FEM1C: variants seen among roughly 807,000 people sequenced by gnomAD.
The protein encoded by FEM1C is protein fem-1 homolog C.
FEM1C carries 15 observed loss-of-function variants against 37.6 expected under a neutral mutation model. That is an observed-to-expected ratio of 0.40 (90% CI 0.27 to 0.61). The LOEUF (loss-of-function observed/expected upper bound fraction) is 0.61, where lower values mean the gene tolerates loss of function less well. FEM1C is among the 20% of genes least tolerant of loss of function. The pLI is 0.42. For missense variants in FEM1C, 532 were observed against 749.7 expected (o/e 0.71, Z 3.39); for synonymous variants, 287 against 272.8 (o/e 1.05, Z -0.51).
intron 2 of FEM1C, 73 bp downstream of exon 2, chr5:115,542,877 T>C (rs1169474391): frequency 1.3e-6 from 2 of 1,535,458 alleles, no homozygotes; most frequent in South Asian, 1.3e-5. Context: ...TCAACACCAG[T>C]GCTTATAATG....
intron 2 of FEM1C, 25 bp from the exon 3 acceptor site, chr5:115,525,642 A>C (rs751800876): frequency 1.3e-6 from 2 of 1,573,448 alleles, no homozygotes; most frequent in Non-Finnish European, 1.7e-6. Flanking sequence ...GAAAAAAAGA[A>C]ATAACATACA....
At chr5:115,531,682 C>T (rs1241839856) in intron 2 of FEM1C, among the ~76,000 whole-genome samples, 1 of 152,114 alleles carries the variant, frequency 6.6e-6, no homozygotes, top group Non-Finnish European at 1.5e-5. Context: ...ATGGATATGG[C>T]TGTTTCCCAA....
At chr5:115,528,737 A>T (rs1460522571) in intron 2 of FEM1C, among the ~76,000 whole-genome samples, 1 of 152,144 alleles carries the variant, frequency 6.6e-6, no homozygotes, top group Non-Finnish European at 1.5e-5. Context: ...ACCATAACAC[A>T]AAAAACAATG....
Position 115,523,645 on chromosome 5 carries a change from T to C in FEM1C, c.*663A>G, listed in dbSNP as rs1006516088. The C allele has an allele frequency of 6.6e-6, 1 of 152,502 alleles. No homozygotes were observed. The highest frequency in any genetic ancestry group is 2.1e-4 in the South Asian group (1 of 4,836). The allele number at this position is 152,502 out of a possible 1,614,324, so 9.4% of individuals were successfully genotyped here. A position where few individuals can be genotyped will look rare whatever the true frequency, so the allele number is the denominator to read the frequency against. On this transcript the variant is annotated 3_prime_UTR_variant, in exon 3 of 3. Transcript: ENST00000274457. ...AATAGCTAACCTGCAGCTCTAAAAA[T>C]TGTCATGCTACAGAGTACTTTCAAA...
In FEM1C at chr5:115,522,888, T is replaced by A. The variant is rs1357503006; in HGVS notation, c.*1420A>T. On this transcript the variant is annotated 3_prime_UTR_variant, in exon 3 of 3. Coordinates refer to ENST00000274457, the MANE Select transcript of FEM1C (RefSeq NM_020177.3). ...AATCTTTTTTAGTACTTTTCACTTA[T>A]CTTAAGTTAAAAGAGCCCTTTCTGT... 1.3e-5 allele frequency: 2 copies of A among 152,298 alleles called. No homozygotes were observed. Among genetic ancestry groups the A allele is most frequent in the African/African-American group, 2.4e-5 (1 of 41,390 alleles). 9.4% of individuals were successfully genotyped at this position (152,298 alleles called of 1,614,324 possible). A position where few individuals can be genotyped will look rare whatever the true frequency, so the allele number is the denominator to read the frequency against.
At chr5:115,530,318 TA>T (rs918761409) in intron 2 of FEM1C, among the ~76,000 whole-genome samples, 1 of 152,062 alleles carries the variant, frequency 6.6e-6, no homozygotes, top group Non-Finnish European at 1.5e-5. Context: ...TTTATAATGT[TA>T]AAAAATTCAA....
At chr5:115,530,367 T>C (rs1753988816) in intron 2 of FEM1C, among the ~76,000 whole-genome samples, 1 of 152,124 alleles carries the variant, frequency 6.6e-6, no homozygotes, top group Admixed American at 6.6e-5. Flanking sequence ...TGTTTTCACC[T>C]AATAACATAG....
chr5:115,526,893 T>A (rs754039244), intron 2 of FEM1C, among the ~76,000 whole-genome samples: 2 of 152,108 alleles, frequency 1.3e-5, no homozygotes, highest in Non-Finnish European at 2.9e-5. Flanking sequence ...GAATGTCTGG[T>A]TTCCTTCTGG....
At position 115,522,691 on chromosome 5, in the gene FEM1C, C is replaced by A. The variant is rs1580375272; in HGVS notation, c.*1617G>T. ...CAACCCTCAGAATAAAATGTCAACA[C>A]AAAAATCCAAGTGAGTGATCCAGCT... On this transcript the variant is annotated 3_prime_UTR_variant, in exon 3 of 3. Transcript: ENST00000274457. 1 of 152,402 alleles carries A rather than the reference C, an allele frequency of 6.6e-6. No individual in the cohort carries two copies. Among genetic ancestry groups the A allele is most frequent in the East Asian group, 1.9e-4 (1 of 5,178 alleles). The allele number at this position is 152,402 out of a possible 1,614,324, so 9.4% of individuals were successfully genotyped here. A position where few individuals can be genotyped will look rare whatever the true frequency, so the allele number is the denominator to read the frequency against.
intron 1 of FEM1C, chr5:115,544,070 G>A (rs1754302069): frequency 1.0e-6 from 1 of 985,298 alleles, no homozygotes; most frequent in South Asian, 4.7e-5. Context: ...CAGGAGAGCT[G>A]GCCAAGGGCG....
At position 115,524,891 on chromosome 5, in the gene FEM1C, C is replaced by T. The variant is rs376838268; in HGVS notation, c.1271G>A (p.Arg424Gln). The change falls in exon 3 of 3, where the codon CGA (arginine) becomes CAA (glutamine). Residue 424 changes from arginine (R) to glutamine (Q), a missense_variant. This residue lies in a region of FEM1C where 237 missense variants were observed against 260.5 expected (regional missense o/e 0.91). Transcript: ENST00000274457. ...TGGACACTGAGTTTGTTTGATAGCT[C>T]GCTCTATTTCAAGGACGCTTTTGCA... ...ILCKSVLEIE[R>Q]AIKQTQCPAD... is the part of the protein sequence containing the mutation. 6 of 1,613,640 alleles carry T rather than the reference C, an allele frequency of 3.7e-6. No individual in the cohort carries two copies. Among genetic ancestry groups the T allele is most frequent in the African/African-American group, 1.3e-5 (1 of 74,906 alleles).
At chr5:115,540,280 T>C (rs932837864) in intron 2 of FEM1C, among the ~76,000 whole-genome samples, 12 of 152,042 alleles carry the variant, frequency 7.9e-5, no homozygotes, top group African/African-American at 2.7e-4. Context: ...AGGATGAACA[T>C]GTACTTTAAT....
Position 115,543,149 on chromosome 5 carries a change from G to C in FEM1C, c.345C>G (p.Thr115=). Reference sequence around the variant, plus strand: ...ACGCAGCTCGAAGAGGAGTTGAATTGGTTAAAGTCGTGTTGTTGACAGATG... The same window carrying C: ...ACGCAGCTCGAAGAGGAGTTGAATTCGTTAAAGTCGTGTTGTTGACAGATG... ...HGASVNNTTL[T]NSTPLRAACF... is the part of the protein sequence containing the mutation. Residue 115 remains threonine (T), a synonymous_variant, in exon 2 of 3, where the codon ACC becomes ACG. Transcript: ENST00000274457. 2 of 1,614,194 alleles carry C rather than the reference G, an allele frequency of 1.2e-6. No individual in the cohort carries two copies. The highest frequency in any genetic ancestry group is 8.5e-7 in the Non-Finnish European group (1 of 1,180,030).
rs1167641083 is a variant in FEM1C at position 115,542,946 on chromosome 5, T to C, written c.544+4A>G. 3 of 1,606,390 alleles carry C rather than the reference T, an allele frequency of 1.9e-6. No individual in the cohort carries two copies. Among genetic ancestry groups the C allele is most frequent in the Non-Finnish European group, 8.5e-7 (1 of 1,175,814 alleles). On this transcript the variant is annotated splice_donor_region_variant and intron_variant, in intron 2 of 2. Coordinates refer to ENST00000274457, the MANE Select transcript of FEM1C (RefSeq NM_020177.3). The stretch of plus-strand genomic sequence containing the variant: ...ATTTAGAAAAACAAAGAAGCTGAAC[T>C]CACCTTTGACACTTTTTCTATTAAC...
In FEM1C at chr5:115,543,350, G is replaced by A. The variant is rs980807348; in HGVS notation, c.144C>T (p.Ala48=). 4.3e-6 allele frequency: 7 copies of A among 1,614,178 alleles called. No individual in the cohort carries two copies. The highest frequency in any genetic ancestry group is 5.9e-6 in the Non-Finnish European group (7 of 1,180,032). The change falls in exon 2 of 3, where the codon GCC becomes GCT. Residue 48 remains alanine, a synonymous_variant. Coordinates refer to ENST00000274457, the MANE Select transcript of FEM1C (RefSeq NM_020177.3). ...KTNGATPLLM[A]ARYGHLDMVE... is the part of the protein sequence containing the mutation. ...CCATGTCAAGGTGCCCATACCTGGC[G>A]GCCATCAAGAGTGGCGTGGCCCCAT...
chr5:115,539,004 TATAC>T (rs1754186094), intron 2 of FEM1C, among the ~76,000 whole-genome samples: 1 of 152,020 alleles, frequency 6.6e-6, no homozygotes, highest in Admixed American at 6.6e-5. Context: ...ATGGATTGCT[TATAC>T]TATTCCTTCA....
At chr5:115,544,269 C>G (rs929107386) in intron 1 of FEM1C, 10 of 735,916 alleles carry the variant, frequency 1.4e-5, no homozygotes, top group African/African-American at 1.3e-4. Context: ...CCCCCACCCC[C>G]CGCCAAGGGA....
At chr5:115,530,730 CCTGT>C (rs1286841679) in intron 2 of FEM1C, among the ~76,000 whole-genome samples, 3 of 152,038 alleles carry the variant, frequency 2.0e-5, no homozygotes, top group Admixed American at 6.6e-5. Flanking sequence ...ACTAGAAAAA[CCTGT>C]CTATTTGAAT....
chr5:115,540,538 A>G (rs914836946), intron 2 of FEM1C, among the ~76,000 whole-genome samples: 2 of 152,080 alleles, frequency 1.3e-5, no homozygotes, highest in African/African-American at 2.4e-5. Context: ...AAGAGAGAAC[A>G]GACATACCCT....
Sources: gnomAD v4.1 joint callset for allele counts (sites outside exome capture counted in the v4.1 genomes callset) on GRCh38, gnomAD v4.1.1 for gene constraint, gnomAD v4.1.1 regional missense constraint, MANE v1.5 for transcripts, NCBI Gene and HGNC (gene_info 2026-07-23, HGNC 2026-07-21) for gene names.